The following FAR2 variants were observed in gnomAD, a reference collection of about 807,000 sequenced individuals.
The protein encoded by FAR2 is fatty acyl-CoA reductase 2.
In FAR2, 19 loss-of-function variants were observed where a neutral mutation model predicts 56.0. That is an observed-to-expected ratio of 0.34 (90% confidence interval 0.24 to 0.50). The LOEUF is 0.50. Among genes scored for constraint, FAR2 ranks in the 20% least tolerant of loss-of-function variants. FAR2 has a pLI of 0.98. For missense variants in FAR2, 508 were observed against 642.2 expected (o/e 0.79, Z 2.26); for synonymous variants, 219 against 218.8 (o/e 1.00, Z -0.01).
intron 1 of FAR2, among the ~76,000 whole-genome samples, chr12:29,149,633 G>C (rs971511221): frequency 6.6e-6 from 1 of 152,256 alleles, no homozygotes; most frequent in Non-Finnish European, 1.5e-5. Flanking sequence ...ATCGTCACCG[G>C]CCGTTTACGC....
At chr12:29,156,757 A>T (rs1949730838) in intron 1 of FAR2, 1 of 152,068 alleles carries the variant, frequency 6.6e-6, no homozygotes, top group South Asian at 2.1e-4. Flanking sequence ...AAACCTACTG[A>T]ATCAGAATCT....
chr12:29,168,473 G>T (rs1348859735), intron 1 of FAR2, among the ~76,000 whole-genome samples: 1 of 152,190 alleles, frequency 6.6e-6, no homozygotes. Flanking sequence ...AGAAAGAAAT[G>T]AACAGAAAGT....
chr12:29,225,724 GA>G (rs1947756653), intron 1 of FAR2, among the ~76,000 whole-genome samples: 1 of 152,162 alleles, frequency 6.6e-6, no homozygotes, highest in Non-Finnish European at 1.5e-5. Flanking sequence ...TAAATGAAGA[GA>G]ATGATTTTCT....
In FAR2 at chr12:29,178,834, C is replaced by G. The variant is rs74076758; in HGVS notation, c.-39+29427C>G. Among the ~76,000 whole-genome samples the G allele has an allele frequency of 6.1e-3, 934 of 152,256 alleles. 14 individuals carry two copies. Among genetic ancestry groups the G allele is most frequent in the African/African-American group, 0.022 (912 of 41,546 alleles). Reference sequence around the variant, plus strand: ...GTCTTAATTTCACTGGATGAATTTGCTAGGGCTGCTACAGCAAGATACCAC... The same window carrying G: ...GTCTTAATTTCACTGGATGAATTTGGTAGGGCTGCTACAGCAAGATACCAC... On this transcript the variant is annotated intron_variant, in intron 1 of 11. Transcript: ENST00000536681.
chr12:29,316,750 T>G, intron 8 of FAR2, 91 bp from the exon 9 acceptor site: 5 of 1,274,714 alleles, frequency 3.9e-6, no homozygotes, highest in Non-Finnish European at 5.5e-6. Context: ...ATCCTTCGTC[T>G]TTATTGTTTT....
chr12:29,213,453 G>A (rs1221778550), intron 1 of FAR2, among the ~76,000 whole-genome samples: 1 of 152,146 alleles, frequency 6.6e-6, no homozygotes. Flanking sequence ...ACTTTGGGAG[G>A]CCAAGGCGGG....
chr12:29,286,086 CA>C (rs1948871417), intron 2 of FAR2, among the ~76,000 whole-genome samples: 2 of 150,940 alleles, frequency 1.3e-5, no homozygotes, highest in Non-Finnish European at 3.0e-5. Context: ...CACACACACA[CA>C]CATACACACA....
At chr12:29,328,748 G>T (rs1489032141) in intron 10 of FAR2, among the ~76,000 whole-genome samples, 7 of 145,524 alleles carry the variant, frequency 4.8e-5, no homozygotes, top group East Asian at 2.1e-4. Context: ...GTTGTGGAGT[G>T]GGGGGAGGGG....
At chr12:29,294,853 G>A (rs1035766109) in intron 3 of FAR2, among the ~76,000 whole-genome samples, 7 of 152,028 alleles carry the variant, frequency 4.6e-5, no homozygotes, top group African/African-American at 1.7e-4. Flanking sequence ...TGATGCAGAT[G>A]TGAAAGTAAA....
At chr12:29,183,997 G>C (rs975180449) in intron 1 of FAR2, among the ~76,000 whole-genome samples, 2 of 152,122 alleles carry the variant, frequency 1.3e-5, no homozygotes, top group Admixed American at 6.5e-5. Flanking sequence ...AACTTGATAA[G>C]GGTTATGGCT....
chr12:29,276,698 ATCTATGAGAT>A (rs1378641883), intron 2 of FAR2, among the ~76,000 whole-genome samples: 1 of 152,218 alleles, frequency 6.6e-6, no homozygotes, highest in Non-Finnish European at 1.5e-5. Flanking sequence ...GTTACTGGCC[ATCTATGAGAT>A]TCAAGATATT....
chr12:29,327,524 CA>C (rs1167506831), intron 10 of FAR2, among the ~76,000 whole-genome samples: 2 of 152,100 alleles, frequency 1.3e-5, no homozygotes, highest in Non-Finnish European at 2.9e-5. Context: ...CTACAGTAAC[CA>C]AAACAGCATG....
At chr12:29,220,017 T>G (rs754094443) in intron 1 of FAR2, among the ~76,000 whole-genome samples, 4 of 152,214 alleles carry the variant, frequency 2.6e-5, no homozygotes, top group Non-Finnish European at 4.4e-5. Context: ...CAAGGAATTT[T>G]AGAGCTAGTG....
At chr12:29,245,338 G>A (rs2136669357) in intron 1 of FAR2, among the ~76,000 whole-genome samples, 1 of 152,252 alleles carries the variant, frequency 6.6e-6, no homozygotes, top group African/African-American at 2.4e-5. Flanking sequence ...TACAAATGAG[G>A]AAATAGCAAC....
At chr12:29,319,122 C>T (rs1178129639) in intron 9 of FAR2, among the ~76,000 whole-genome samples, 2 of 151,814 alleles carry the variant, frequency 1.3e-5, no homozygotes, top group Non-Finnish European at 2.9e-5. Flanking sequence ...TCTCGAGTAG[C>T]TGGGATTACA....
intron 1 of FAR2, among the ~76,000 whole-genome samples, chr12:29,259,535 G>A (rs1050673456): frequency 2.0e-5 from 3 of 152,082 alleles, no homozygotes; most frequent in Non-Finnish European, 2.9e-5. Context: ...GTTCCCATAT[G>A]CTGAAACCTG....
At chr12:29,287,710 G>A (rs1413464705) in intron 2 of FAR2, among the ~76,000 whole-genome samples, 1 of 152,130 alleles carries the variant, frequency 6.6e-6, no homozygotes, top group Non-Finnish European at 1.5e-5. Flanking sequence ...GAAAGACGTA[G>A]TAAAATGATT....
rs187384144 is a variant in FAR2, at chr12:29,210,375, T to G, written c.-38-60037T>G. ...ATCCAAAGTCGGGACCTTGCAAGTGTCTATTTCAAGACTGATTTCCAAGCC... is the reference window on the plus strand; with the variant it reads ...ATCCAAAGTCGGGACCTTGCAAGTGGCTATTTCAAGACTGATTTCCAAGCC... On this transcript the variant is annotated intron_variant, in intron 1 of 11. Transcript: ENST00000536681. Among the ~76,000 whole-genome samples, 220 of 152,314 alleles carry G rather than the reference T, an allele frequency of 1.4e-3. 1 individual carries two copies. In the South Asian group the frequency reaches 0.021, roughly 15 times the overall value.
intron 1 of FAR2, among the ~76,000 whole-genome samples, chr12:29,247,749 G>A (rs989963100): frequency 2.6e-5 from 4 of 152,186 alleles, no homozygotes; most frequent in Non-Finnish European, 5.9e-5. Context: ...GGATAAACCT[G>A]TATAAGTCTC....
Sources: allele counts gnomAD v4.1 joint callset (sites outside exome capture counted in the v4.1 genomes callset), GRCh38; gene constraint gnomAD v4.1.1; transcripts MANE v1.5; gene names NCBI Gene and HGNC (gene_info 2026-07-23, HGNC 2026-07-21).